The following FSTL5 variants were observed in gnomAD, a reference collection of about 807,000 sequenced individuals.
FSTL5 encodes the protein follistatin like 5, also known as follistatin-related protein 5.
FSTL5 carries 62 observed loss-of-function variants against 89.1 expected under a neutral mutation model. The ratio of observed to expected loss-of-function variants is 0.70; its 90% CI spans 0.57 to 0.86. The LOEUF is 0.86. FSTL5 is among the 40% of genes least tolerant of loss of function. The probability of loss-of-function intolerance (pLI) is 0.00; values close to 1 mark genes in which losing one functional copy is unlikely to be tolerated. For missense variants in FSTL5, 1,057 were observed against 1,001.6 expected (o/e 1.06, Z -0.75); for synonymous variants, 383 against 346.2 (o/e 1.11, Z -1.18).
intron 8 of FSTL5, among the ~76,000 whole-genome samples, chr4:161,546,426 AG>A (rs1732011193): frequency 6.6e-6 from 1 of 151,436 alleles, no homozygotes; most frequent in East Asian, 1.9e-4. Flanking sequence ...AACTTTCTTA[AG>A]AAAGGTGACA....
intron 7 of FSTL5, among the ~76,000 whole-genome samples, chr4:161,631,199 A>G (rs1735495106): frequency 6.6e-6 from 1 of 152,228 alleles, no homozygotes; most frequent in South Asian, 2.1e-4. Flanking sequence ...CCTTCATAAC[A>G]AAGTCCCTAA....
In FSTL5 at chr4:161,555,463, T is replaced by C. The variant is rs77202123; in HGVS notation, c.1016-12770A>G. On this transcript the variant is annotated intron_variant, in intron 8 of 15. Transcript: ENST00000306100. The stretch of plus-strand genomic sequence containing the variant: ...CCTGGCACATGCTGGATGATGCTGG[T>C]TTCTTTTTGACAGATTTTATTTAAT... Among the ~76,000 whole-genome samples the C allele has an allele frequency of 8.6e-3, 1,305 of 151,530 alleles. 18 individuals carry two copies. The highest frequency in any genetic ancestry group is 0.03 in the African/African-American group (1,228 of 41,450).
At chr4:161,600,669 T>C (rs1196949736) in intron 7 of FSTL5, among the ~76,000 whole-genome samples, 4 of 152,184 alleles carry the variant, frequency 2.6e-5, no homozygotes, top group Non-Finnish European at 4.4e-5. Flanking sequence ...TTTTAAACTA[T>C]ATTAGTCAAG....
intron 4 of FSTL5, among the ~76,000 whole-genome samples, chr4:161,871,043 A>AT (rs915237809): frequency 6.6e-6 from 1 of 152,048 alleles, no homozygotes; most frequent in Non-Finnish European, 1.5e-5. Flanking sequence ...CTTTCATAAT[A>AT]TTTTTTTCCA....
intron 4 of FSTL5, among the ~76,000 whole-genome samples, chr4:161,909,133 T>C (rs1733619649): frequency 6.6e-6 from 1 of 152,108 alleles, no homozygotes; most frequent in South Asian, 2.1e-4. Context: ...ATTAAGAAGT[T>C]ATCTCAAAAA....
chr4:161,840,054 T>C (rs1579131948), intron 4 of FSTL5, among the ~76,000 whole-genome samples: 2 of 152,180 alleles, frequency 1.3e-5, no homozygotes, highest in East Asian at 3.8e-4. Context: ...CAGGAGATTA[T>C]AGATTTTTAA....
At position 161,515,356 on chromosome 4, in the gene FSTL5, C is replaced by A. The variant is rs114173011; in HGVS notation, c.1313-4932G>T. Among the ~76,000 whole-genome samples, 776 of 151,954 alleles carry A rather than the reference C, an allele frequency of 5.1e-3. 11 individuals are homozygous for A. The highest frequency in any genetic ancestry group is 0.018 in the African/African-American group (742 of 41,454). Reference sequence around the variant, plus strand: ...GGGATTACAGGCTCCCACCACCACACCCAGCTATTTTTTGTTGTTGTTGTA... The same window carrying A: ...GGGATTACAGGCTCCCACCACCACAACCAGCTATTTTTTGTTGTTGTTGTA... On this transcript the variant is annotated intron_variant, in intron 10 of 15. Coordinates refer to ENST00000306100, the MANE Select transcript of FSTL5 (RefSeq NM_020116.5).
chr4:161,565,782 C>CACACACACAT (rs1180752677), intron 8 of FSTL5, among the ~76,000 whole-genome samples: 47 of 145,134 alleles, frequency 3.2e-4, no homozygotes, highest in South Asian at 3.1e-3. Context: ...CACACACACA[C>CACACACACAT]ATATATATGA....
At chr4:161,495,785 T>G (rs948661000) in intron 12 of FSTL5, among the ~76,000 whole-genome samples, 1 of 152,092 alleles carries the variant, frequency 6.6e-6, no homozygotes, top group Non-Finnish European at 1.5e-5. Flanking sequence ...ATTTGAAAAA[T>G]ATTATATTCA....
intron 7 of FSTL5, among the ~76,000 whole-genome samples, chr4:161,623,357 A>G (rs2126648378): frequency 6.6e-6 from 1 of 152,150 alleles, no homozygotes; most frequent in African/African-American, 2.4e-5. Flanking sequence ...ATCACTATTT[A>G]AAGACACATG....
intron 6 of FSTL5, among the ~76,000 whole-genome samples, chr4:161,726,227 CTTTTTT>C (rs5863477): frequency 6.0e-4 from 68 of 113,668 alleles, no homozygotes; most frequent in African/African-American, 1.8e-3. Context: ...TTTTCTTTTT[CTTTTTT>C]TTTTTTTTTT....
chr4:161,551,121 A>G (rs1014113169), intron 8 of FSTL5, among the ~76,000 whole-genome samples: 5 of 151,792 alleles, frequency 3.3e-5, no homozygotes, highest in African/African-American at 4.8e-5. Context: ...GCTGGGTCAA[A>G]TGGTATTTCT....
intron 4 of FSTL5, among the ~76,000 whole-genome samples, chr4:161,871,967 T>C (rs1281928586): frequency 6.7e-6 from 1 of 148,974 alleles, no homozygotes; most frequent in Non-Finnish European, 1.5e-5. Context: ...TTATTATTAA[T>C]TCAAAAACAT....
chr4:161,473,663 G>T (rs1467053247), intron 13 of FSTL5, among the ~76,000 whole-genome samples: 1 of 152,064 alleles, frequency 6.6e-6, no homozygotes, highest in Non-Finnish European at 1.5e-5. Context: ...AACTCCTGGG[G>T]CCACACACTG....
chr4:161,832,987 G>A (rs1397204483), intron 4 of FSTL5, among the ~76,000 whole-genome samples: 5 of 148,716 alleles, frequency 3.4e-5, no homozygotes, highest in African/African-American at 5.0e-5. Flanking sequence ...TGTCAATTTT[G>A]GATCTTTCCT....
At chr4:161,409,653 T>C (rs757333743) in intron 15 of FSTL5, among the ~76,000 whole-genome samples, 2 of 152,188 alleles carry the variant, frequency 1.3e-5, no homozygotes, top group African/African-American at 4.8e-5. Context: ...GTGCTGCGAT[T>C]ACAGGCGTGA....
At chr4:161,721,827 T>A (rs1222514187) in intron 6 of FSTL5, among the ~76,000 whole-genome samples, 2 of 152,212 alleles carry the variant, frequency 1.3e-5, no homozygotes, top group African/African-American at 4.8e-5. Flanking sequence ...TTCAAACGCT[T>A]CCTTTGGTAA....
intron 1 of FSTL5, among the ~76,000 whole-genome samples, chr4:162,160,683 GA>G (rs1195952905): frequency 6.6e-6 from 1 of 151,682 alleles, no homozygotes; most frequent in African/African-American, 2.4e-5. Context: ...ATTATTCAAA[GA>G]AAACTATCCA....
intron 15 of FSTL5, among the ~76,000 whole-genome samples, chr4:161,440,339 G>A (rs1335632076): frequency 6.6e-6 from 1 of 151,572 alleles, no homozygotes. Context: ...GGCTTCCCTG[G>A]GCCACAATGG....
Sources: gnomAD v4.1 joint callset for allele counts (sites outside exome capture counted in the v4.1 genomes callset) on GRCh38, gnomAD v4.1.1 for gene constraint, MANE v1.5 for transcripts, NCBI Gene and HGNC (gene_info 2026-07-23, HGNC 2026-07-21) for gene names.